The following LINC00237 variants were observed in gnomAD, a reference collection of about 807,000 sequenced individuals.
LINC00237 encodes long independently transcribed non-coding RNA 237.
At chr20:21,105,347 G>T (rs1372910962) in intron 1 of LINC00237, among the ~76,000 whole-genome samples, 1 of 151,646 alleles carries the variant, frequency 6.6e-6, no homozygotes, top group Non-Finnish European at 1.5e-5. Context: ...CCTGTCGAGG[G>T]CCTGCCCTCC....
intron 1 of LINC00237, among the ~76,000 whole-genome samples, chr20:21,102,268 C>A (rs1010101193): frequency 6.6e-6 from 1 of 152,236 alleles, no homozygotes; most frequent in African/African-American, 2.4e-5. Context: ...GCACCGACTC[C>A]TTACCCAGAA....
At chr20:21,097,024 C>T (rs988290785) in intron 1 of LINC00237, among the ~76,000 whole-genome samples, 5 of 152,192 alleles carry the variant, frequency 3.3e-5, no homozygotes, top group East Asian at 1.9e-4. Context: ...CTCAACCTGT[C>T]GGATTGGAAT....
rs189990627 is a variant in LINC00237 at position 21,096,721 on chromosome 20, T to C, written n.89-2869A>G. ...TGTCATGCTGAAGAGTCTGGTATTCTGCAAGGTTCATCTCCCCTCATCACA... is the reference window on the plus strand; with the variant it reads ...TGTCATGCTGAAGAGTCTGGTATTCCGCAAGGTTCATCTCCCCTCATCACA... On this transcript the variant is annotated intron_variant and non_coding_transcript_variant, in intron 1 of 3. Coordinates refer to ENST00000691244, the Ensembl canonical transcript of LINC00237. Among the ~76,000 whole-genome samples the C allele has an allele frequency of 5.3e-5, 8 of 152,304 alleles. No homozygotes were observed. In the East Asian group the frequency reaches 1.4e-3, roughly 26 times the overall value.
chr20:21,101,490 C>CG lies in LINC00237; in HGVS notation n.88+4780dup, dbSNP rs11417307. On this transcript the variant is annotated intron_variant and non_coding_transcript_variant, in intron 1 of 3. Coordinates refer to ENST00000691244, the Ensembl canonical transcript of LINC00237. This position sits in a 1 kb window ranked among gnomAD's most constrained non-coding sequence, Gnocchi z 4.3. ...GGAAAGAGAGTGACAGAGGCGCGTG[C>CG]GGGGGAAAGGCCCACCCACGCTGTC... 45,802 of 152,108 alleles carry CG rather than the reference C, an allele frequency of 0.3. 9,746 individuals carry two copies. The highest frequency in any genetic ancestry group is 0.66 in the East Asian group (3,358 of 5,116). The allele number at this position is 152,108 out of a possible 1,614,324, so 9.4% of individuals were successfully genotyped here.
chr20:21,097,284 G>A (rs547702774), intron 1 of LINC00237, among the ~76,000 whole-genome samples: 5 of 152,024 alleles, frequency 3.3e-5, no homozygotes, highest in South Asian at 2.1e-4. Context: ...TTATCTAAGC[G>A]GATCCTATTC....
intron 1 of LINC00237, among the ~76,000 whole-genome samples, chr20:21,098,420 C>T (rs1013788410): frequency 2.2e-4 from 34 of 152,112 alleles, no homozygotes; most frequent in African/African-American, 8.0e-4. Flanking sequence ...ATGAATGTGC[C>T]CGGTAGAAAT....
intron 1 of LINC00237, among the ~76,000 whole-genome samples, chr20:21,102,353 C>A (rs918868704): frequency 6.6e-6 from 1 of 152,214 alleles, no homozygotes; most frequent in East Asian, 1.9e-4. Flanking sequence ...GTGTCTGGAA[C>A]CTTCCCTCTA....
exon 2 of LINC00237, chr20:21,093,752 G>A (rs1312858067): frequency 1.3e-5 from 2 of 152,360 alleles, no homozygotes; most frequent in East Asian, 3.9e-4. Context: ...CTTAAATGAA[G>A]GGAGATGACT....
chr20:21,086,095 G>T (rs1164833862), intron 3 of LINC00237, among the ~76,000 whole-genome samples: 2 of 152,210 alleles, frequency 1.3e-5, no homozygotes, highest in Non-Finnish European at 2.9e-5. Context: ...CTTAAACTTT[G>T]TCTCAGAAGG....
intron 1 of LINC00237, among the ~76,000 whole-genome samples, chr20:21,104,533 CG>C (rs2030972751): frequency 6.6e-6 from 1 of 152,248 alleles, no homozygotes; most frequent in Non-Finnish European, 1.5e-5. Context: ...CAGAGAGGTG[CG>C]GCCCCTGGAG....
chr20:21,098,731 A>G (rs1182349393), intron 1 of LINC00237, among the ~76,000 whole-genome samples: 1 of 152,236 alleles, frequency 6.6e-6, no homozygotes, highest in African/African-American at 2.4e-5. Flanking sequence ...AGGTGTATAC[A>G]TCAAACATGT....
At chr20:21,103,989 C>T (rs1209360430) in intron 1 of LINC00237, among the ~76,000 whole-genome samples, 1 of 152,006 alleles carries the variant, frequency 6.6e-6, no homozygotes, top group Non-Finnish European at 1.5e-5. Flanking sequence ...TCCCTTATCC[C>T]ACCCCCTCCC....
chr20:21,095,855 A>G (rs994403833), intron 1 of LINC00237, among the ~76,000 whole-genome samples: 1 of 152,240 alleles, frequency 6.6e-6, no homozygotes, highest in African/African-American at 2.4e-5. Flanking sequence ...GCAACAGGCC[A>G]GAAGTGCTGA....
chr20:21,086,554 CTATATATATAGTACATA>C (rs2030697290), intron 3 of LINC00237, among the ~76,000 whole-genome samples: 1 of 103,058 alleles, frequency 9.7e-6, no homozygotes, highest in Non-Finnish European at 2.0e-5. Context: ...TATATATGTA[CTATATATATAGTACATA>C]TATAGTGTAT....
chr20:21,104,834 GACAC>G (rs937002731), intron 1 of LINC00237, among the ~76,000 whole-genome samples: 2 of 152,254 alleles, frequency 1.3e-5, no homozygotes, highest in African/African-American at 2.4e-5. Context: ...CACACAGACA[GACAC>G]ACAGACACAC....
chr20:21,088,979 G>T (rs546288327), intron 2 of LINC00237, among the ~76,000 whole-genome samples: 1 of 151,918 alleles, frequency 6.6e-6, no homozygotes, highest in East Asian at 1.9e-4. Context: ...AGATTGTAGC[G>T]ACCCCAATTT....
At chr20:21,092,585 AATGGCTC>A (rs1362625824) in intron 2 of LINC00237, among the ~76,000 whole-genome samples, 2 of 152,142 alleles carry the variant, frequency 1.3e-5, no homozygotes, top group Non-Finnish European at 2.9e-5. Flanking sequence ...TTATGGCTTA[AATGGCTC>A]ATCTTCTTTA....
chr20:21,100,114 C>T (rs1289349306), intron 1 of LINC00237, among the ~76,000 whole-genome samples: 2 of 151,948 alleles, frequency 1.3e-5, no homozygotes, highest in Non-Finnish European at 2.9e-5. Flanking sequence ...TTTAAGAACT[C>T]GAAAAAGGAA....
rs548938184 is a variant in LINC00237 at position 21,086,060 on chromosome 20, G to A, written n.560-172C>T. On this transcript the variant is annotated intron_variant and non_coding_transcript_variant, in intron 3 of 3. Transcript: ENST00000691244. ...TCTTAGCCTAGGAAACATCAGTCTC[G>A]TAAAGGGACTCTAAGCAAACGCTGC... Among the ~76,000 whole-genome samples, 10 of 152,316 alleles carry A rather than the reference G, an allele frequency of 6.6e-5. No individual in the cohort carries two copies. In the East Asian group the frequency reaches 1.2e-3, roughly 18 times the overall value.
Sources: gnomAD v4.1 joint callset for allele counts (sites outside exome capture counted in the v4.1 genomes callset) on GRCh38, gnomAD v4.1.1 for gene constraint, Gnocchi (gnomAD v3.1) non-coding constraint, MANE v1.5 for transcripts, NCBI Gene and HGNC (gene_info 2026-07-23, HGNC 2026-07-21) for gene names.